The following LOC128462377 variants were observed in gnomAD, a reference collection of about 807,000 sequenced individuals.
chr16:89,327,003 G>A, the LOC128462377 span, among the ~76,000 whole-genome samples: 51 of 151,900 alleles, frequency 3.4e-4, no homozygotes, highest in Non-Finnish European at 6.8e-4. Context: ...GGGGAATGCA[G>A]AGGGGGAATG....
chr16:89,388,265 C>T, the LOC128462377 span, among the ~76,000 whole-genome samples: 5 of 149,228 alleles, frequency 3.4e-5, no homozygotes, highest in African/African-American at 9.9e-5. Context: ...CGGGTGGTGC[C>T]GGGTGCTCTC....
chr16:89,410,077 G>A, the LOC128462377 span, among the ~76,000 whole-genome samples: 5 of 152,126 alleles, frequency 3.3e-5, no homozygotes, highest in Non-Finnish European at 7.3e-5. Context: ...CTGACCTCGT[G>A]ATCCGCCCGC....
At chr16:89,385,864 G>C in the LOC128462377 span, among the ~76,000 whole-genome samples, 2 of 152,228 alleles carry the variant, frequency 1.3e-5, no homozygotes, top group African/African-American at 4.8e-5. Context: ...CTCGCCAAGA[G>C]CTCCATTTGT....
chr16:89,364,340 A>G, the LOC128462377 span, among the ~76,000 whole-genome samples: 1 of 152,198 alleles, frequency 6.6e-6, no homozygotes. Flanking sequence ...GAATTAAGAG[A>G]ACTCATAAAT....
the LOC128462377 span, among the ~76,000 whole-genome samples, chr16:89,370,408 AC>A: frequency 6.6e-6 from 1 of 152,098 alleles, no homozygotes; most frequent in African/African-American, 2.4e-5. Context: ...TTAGGATCCT[AC>A]AGGATCCTGA....
At chr16:89,340,380 C>T in the LOC128462377 span, among the ~76,000 whole-genome samples, 1 of 152,200 alleles carries the variant, frequency 6.6e-6, no homozygotes, top group Non-Finnish European at 1.5e-5. Context: ...CGGGTTCAAG[C>T]GGTTCTCCTG....
chr16:89,407,647 G>A, the LOC128462377 span, among the ~76,000 whole-genome samples: 5 of 152,044 alleles, frequency 3.3e-5, no homozygotes, highest in East Asian at 3.9e-4. Context: ...ACGGCGAGAC[G>A]CCGTCTCTAT....
the LOC128462377 span, chr16:89,323,170 G>C: frequency 2.1e-6 from 1 of 477,766 alleles, no homozygotes; most frequent in Non-Finnish European, 3.6e-6. Context: ...CGTCAGGAGT[G>C]GTGCCTTGTG....
the LOC128462377 span, among the ~76,000 whole-genome samples, chr16:89,383,740 C>G: frequency 6.6e-6 from 1 of 152,136 alleles, no homozygotes; most frequent in Non-Finnish European, 1.5e-5. Flanking sequence ...CCCCTGCACT[C>G]GGACCAGCAA....
the LOC128462377 span, among the ~76,000 whole-genome samples, chr16:89,383,294 C>G: frequency 6.6e-6 from 1 of 152,208 alleles, no homozygotes; most frequent in Non-Finnish European, 1.5e-5. Context: ...TTAGGATTTC[C>G]AGGGAACCCC....
chr16:89,377,059 T>C, the LOC128462377 span, among the ~76,000 whole-genome samples: 1 of 152,220 alleles, frequency 6.6e-6, no homozygotes, highest in Non-Finnish European at 1.5e-5. Flanking sequence ...GGAAGTACCT[T>C]GCCTTGCCAG....
At chr16:89,396,257 G>A in the LOC128462377 span, among the ~76,000 whole-genome samples, 1 of 152,192 alleles carries the variant, frequency 6.6e-6, no homozygotes, top group Non-Finnish European at 1.5e-5. Context: ...GATCCACGTC[G>A]GGAGATGCAC....
chr16:89,392,669 C>T, the LOC128462377 span: 1 of 150,112 alleles, frequency 6.7e-6, no homozygotes, highest in Non-Finnish European at 1.5e-5. Context: ...TAATGCACTT[C>T]GGATGTCAGC....
the LOC128462377 span, among the ~76,000 whole-genome samples, chr16:89,345,562 T>C: frequency 3.3e-5 from 5 of 152,242 alleles, no homozygotes; most frequent in Admixed American, 2.6e-4. Context: ...TAAATTTCTG[T>C]TCTTTATAAA....
chr16:89,347,946 T>C, the LOC128462377 span, among the ~76,000 whole-genome samples: 1 of 152,066 alleles, frequency 6.6e-6, no homozygotes, highest in Non-Finnish European at 1.5e-5. Context: ...TTTTGTCTTT[T>C]TTTTTTTGAC....
At chr16:89,330,984 C>A in the LOC128462377 span, among the ~76,000 whole-genome samples, 1 of 152,220 alleles carries the variant, frequency 6.6e-6, no homozygotes, top group East Asian at 1.9e-4. Flanking sequence ...GACGGAGTCT[C>A]ACTTTGTCGC....
chr16:89,377,926 A>G, the LOC128462377 span, among the ~76,000 whole-genome samples: 1 of 152,252 alleles, frequency 6.6e-6, no homozygotes, highest in African/African-American at 2.4e-5. Context: ...GATGAGGATG[A>G]AGACCTTCAT....
At chr16:89,322,656 T>G in the LOC128462377 span, among the ~76,000 whole-genome samples, 1 of 152,242 alleles carries the variant, frequency 6.6e-6, no homozygotes, top group Admixed American at 6.5e-5. Context: ...AAAGGCCTGT[T>G]TGCCTTGAGG....
At chr16:89,381,354 A>AAAAAAAAAG in the LOC128462377 span, among the ~76,000 whole-genome samples, 136 of 125,320 alleles carry the variant, frequency 1.1e-3, no homozygotes, top group African/African-American at 4.2e-3. Flanking sequence ...AAAAAAAAAA[A>AAAAAAAAAG]GGGGTGAGAA....
Sources: allele counts gnomAD v4.1 joint callset (sites outside exome capture counted in the v4.1 genomes callset), GRCh38; gene constraint gnomAD v4.1.1; transcripts MANE v1.5.